HPS3: variants seen among roughly 807,000 people sequenced by gnomAD.
HPS3 encodes the protein HPS3 biogenesis of lysosomal organelles complex 2 subunit 1.
A neutral mutation model predicts 110.9 loss-of-function variants in HPS3; 79 were observed. The observed-to-expected ratio is 0.71, with a 90% confidence interval of 0.59 to 0.86. HPS3 has a LOEUF of 0.86. HPS3 is among the 40% of genes least tolerant of loss of function. HPS3 has a pLI of 0.00. For synonymous variants in HPS3, 428 were observed against 451.0 expected (o/e 0.95, Z 0.65); for missense variants, 1,197 against 1,206.2 (o/e 0.99, Z 0.11).
chr3:149,137,388 C>T (rs944232616), intron 1 of HPS3, among the ~76,000 whole-genome samples: 4 of 152,066 alleles, frequency 2.6e-5, no homozygotes, highest in Non-Finnish European at 5.9e-5. Flanking sequence ...TGTAAAATAA[C>T]ACAGCCTATG....
intron 3 of HPS3, 33 bp from the exon 4 acceptor site, chr3:149,141,261 AT>A: frequency 6.2e-7 from 1 of 1,602,378 alleles, no homozygotes; most frequent in Non-Finnish European, 8.5e-7. Flanking sequence ...TGGAAGTTAT[AT>A]TTTTCCCTTT....
intron 1 of HPS3, among the ~76,000 whole-genome samples, chr3:149,138,288 C>T (rs984556056): frequency 6.6e-6 from 1 of 152,098 alleles, no homozygotes. Flanking sequence ...TGTTTGCTTG[C>T]CTCATAAGTA....
chr3:149,166,081 A>G lies in HPS3; in HGVS notation c.2590-953A>G, dbSNP rs759668942. On this transcript the variant is annotated intron_variant, in intron 14 of 16. Coordinates refer to ENST00000296051, the MANE Select transcript of HPS3 (RefSeq NM_032383.5). ...GCAAAAAGGGTACAGGGACAAGAAA[A>G]TTAGGACATGACCATCTCATCTTTA... 1.4e-4 allele frequency: 64 copies of G among 452,850 alleles called. 1 individual carries two copies. The highest frequency in any genetic ancestry group is 1.0e-3 in the South Asian group (63 of 63,304). 28.1% of individuals were successfully genotyped at this position (452,850 alleles called of 1,614,324 possible). A position where few individuals can be genotyped will look rare whatever the true frequency, so the allele number is the denominator to read the frequency against.
Position 149,140,031 on chromosome 3 carries a change from A to G in HPS3, c.245A>G (p.Lys82Arg), listed in dbSNP as rs150645715. The change falls in exon 2 of 17, where the codon AAA becomes AGA. Residue 82 changes from lysine (K) to arginine (R), a missense_variant. Transcript: ENST00000296051. Reference protein sequence around the residue: ...AGDYLVAIEEKNKATFLRAYV... With the variant: ...AGDYLVAIEERNKATFLRAYV... ...GATTATTTGGTAGCAATTGAAGAGA[A>G]AAACAAAGCTACATTTCTACGTGCT... The G allele has an allele frequency of 9.0e-5, 146 of 1,613,500 alleles. No homozygotes were observed. The African/African-American group carries it at 1.7e-3, about 18-fold the overall frequency.
chr3:149,171,325 A>G (rs1296940906), intron 16 of HPS3, among the ~76,000 whole-genome samples: 1 of 152,156 alleles, frequency 6.6e-6, no homozygotes, highest in Admixed American at 6.5e-5. Context: ...AGTTTGGGGG[A>G]AAAGGAAGTA....
chr3:149,152,731 T>C (rs777593036), intron 6 of HPS3, among the ~76,000 whole-genome samples: 1 of 152,232 alleles, frequency 6.6e-6, no homozygotes, highest in East Asian at 1.9e-4. Flanking sequence ...TATTTTTACA[T>C]GGAGGTAACA....
rs951218650 is a variant in HPS3 at position 149,172,932 on chromosome 3, A to C, written c.*710A>C. ...GCTCTTTTAGCTAGAGTGTATGTGA[A>C]AATAAAGAAATACATCATTGTATTC... On this transcript the variant is annotated 3_prime_UTR_variant, in exon 17 of 17. Transcript: ENST00000296051. The C allele has an allele frequency of 2.0e-5, 3 of 152,636 alleles. No individual in the cohort carries two copies. The highest frequency in any genetic ancestry group is 7.2e-5 in the African/African-American group (3 of 41,466). The allele number at this position is 152,636 out of a possible 1,614,324, so 9.5% of individuals were successfully genotyped here. A position where few individuals can be genotyped will look rare whatever the true frequency, so the allele number is the denominator to read the frequency against.
chr3:149,169,089 T>C (rs1443246024), intron 16 of HPS3, among the ~76,000 whole-genome samples: 1 of 152,042 alleles, frequency 6.6e-6, no homozygotes, highest in African/African-American at 2.4e-5. Context: ...CCATGTGTGA[T>C]TTACCTTTAT....
chr3:149,148,481 C>T (rs1407751746), intron 5 of HPS3, among the ~76,000 whole-genome samples: 2 of 147,182 alleles, frequency 1.4e-5, no homozygotes, highest in African/African-American at 5.1e-5. Context: ...CAGCTCACTG[C>T]AACCTCCACC....
chr3:149,161,755 C>G (rs1261253582), intron 11 of HPS3, among the ~76,000 whole-genome samples: 1 of 152,014 alleles, frequency 6.6e-6, no homozygotes, highest in Admixed American at 6.6e-5. Flanking sequence ...AGTGATCTGC[C>G]CTCCTTGGCC....
chr3:149,164,416 G>C (rs1724205290), intron 14 of HPS3, among the ~76,000 whole-genome samples: 1 of 152,172 alleles, frequency 6.6e-6, no homozygotes, highest in African/African-American at 2.4e-5. Context: ...TTTCAGAAAT[G>C]AGGGGGATGA....
chr3:149,170,886 A>C (rs1724908749), intron 16 of HPS3, among the ~76,000 whole-genome samples: 1 of 152,182 alleles, frequency 6.6e-6, no homozygotes, highest in Non-Finnish European at 1.5e-5. Flanking sequence ...CATAACTGTC[A>C]CCCTTCTATT....
intron 1 of HPS3, among the ~76,000 whole-genome samples, chr3:149,134,358 T>G (rs1476665751): frequency 6.6e-6 from 1 of 151,960 alleles, no homozygotes; most frequent in Admixed American, 6.5e-5. Context: ...CTTTCAACTT[T>G]TATATGTGTG....
chr3:149,159,972 T>C (rs1163486291), intron 10 of HPS3, 74 bp from the exon 11 acceptor site: 4 of 1,001,248 alleles, frequency 4.0e-6, no homozygotes, highest in Non-Finnish European at 6.4e-6. Flanking sequence ...TTTGCACATA[T>C]GTTTTGCTGA....
In HPS3 at chr3:149,160,152, T is replaced by TG. The variant is rs1318911156; in HGVS notation, c.1980dup (p.Ser661GlufsTer31). The TG allele has an allele frequency of 6.2e-7, 1 of 1,612,332 alleles. No homozygotes were observed. Among genetic ancestry groups the TG allele is most frequent in the South Asian group, 1.1e-5 (1 of 91,052 alleles). On this transcript the variant is annotated frameshift_variant, in exon 11 of 17. Coordinates refer to ENST00000296051, the MANE Select transcript of HPS3 (RefSeq NM_032383.5). LOFTEE classifies it high-confidence loss of function. ...AAGAATATTAATCCTTTAACTGCCA[T>TG]GAGCTATCTAAGGAAGCTGGATACT...
At chr3:149,168,315 C>T (rs1185851954) in intron 16 of HPS3, 1 of 264,310 alleles carries the variant, frequency 3.8e-6, no homozygotes, top group Admixed American at 5.0e-5. Context: ...ACTTAATTTA[C>T]TTCATGTAGG....
chr3:149,138,886 A>G (rs1722275313), intron 1 of HPS3, among the ~76,000 whole-genome samples: 1 of 152,218 alleles, frequency 6.6e-6, no homozygotes, highest in Non-Finnish European at 1.5e-5. Flanking sequence ...GCTAGTGAGG[A>G]TGTGGGGAAA....
In HPS3 at chr3:149,160,234, G is replaced by A. The variant is rs1723703443; in HGVS notation, c.2061G>A (p.Met687Ile). Residue 687 changes from methionine to isoleucine, a missense_variant, in exon 11 of 17, where the codon ATG becomes ATA. By Grantham distance (10) the Met-to-Ile change is conservative. Transcript: ENST00000296051. Reference sequence around the variant, plus strand: ...CCAAGGCAGCAGTGGCTCTGAAAATGGGAGATCTTGACATGCACAGAAATG... The same window carrying A: ...CCAAGGCAGCAGTGGCTCTGAAAATAGGAGATCTTGACATGCACAGAAATG... ...TLTKAAVALK[M>I]GDLDMHRNEM... is the part of the protein sequence containing the mutation. The A allele has an allele frequency of 1.2e-6, 2 of 1,613,622 alleles. No individual in the cohort carries two copies. Among genetic ancestry groups the A allele is most frequent in the South Asian group, 1.1e-5 (1 of 91,068 alleles).
At chr3:149,166,407 T>C (rs1308236171) in intron 14 of HPS3, among the ~76,000 whole-genome samples, 1 of 152,234 alleles carries the variant, frequency 6.6e-6, no homozygotes, top group Non-Finnish European at 1.5e-5. Flanking sequence ...TCCCATCCTG[T>C]GTGCTGTTTC....
Sources: allele counts gnomAD v4.1 joint callset (sites outside exome capture counted in the v4.1 genomes callset), GRCh38; gene constraint gnomAD v4.1.1; transcripts MANE v1.5; gene names NCBI Gene and HGNC (gene_info 2026-07-23, HGNC 2026-07-21).